Variants in FAHD2B observed in about 807,000 individuals in gnomAD.
The protein encoded by FAHD2B is oxaloacetate tautomerase FAHD2B, mitochondrial.
FAHD2B carries 26 observed loss-of-function variants against 33.7 expected under a neutral mutation model. That is an observed-to-expected ratio of 0.77 (90% CI 0.57 to 1.07). FAHD2B has a LOEUF of 1.07. FAHD2B is among the 50% of genes least tolerant of loss of function. The pLI is 0.00. For synonymous variants in FAHD2B, 108 were observed against 150.9 expected, an observed-to-expected ratio of 0.72 and a Z score of 2.08; for missense variants, 272 against 388.1, an observed-to-expected ratio of 0.70 and a Z score of 2.51.
downstream of FAHD2B, among the ~76,000 whole-genome samples, chr2:97,082,934 G>A (rs1185876534): frequency 2.6e-5 from 4 of 152,106 alleles, no homozygotes; most frequent in African/African-American, 9.7e-5. Context: ...GGTTGGAGAA[G>A]GTGGGATGGT....
downstream of FAHD2B, chr2:97,082,569 C>T: frequency 2.5e-6 from 4 of 1,581,808 alleles, no homozygotes; most frequent in South Asian, 3.4e-5. Flanking sequence ...AGGTGGGCTG[C>T]AGAGTACAGA....
chr2:97,084,692 T>C (rs1489295696), intron 6 of FAHD2B, among the ~76,000 whole-genome samples: 2 of 151,968 alleles, frequency 1.3e-5, no homozygotes, highest in Non-Finnish European at 2.9e-5. Context: ...TGAGAACTGA[T>C]TAAGCTCAGG....
chr2:97,084,298 C>T, intron 6 of FAHD2B, 21 bp from the exon 7 acceptor site: 1 of 1,611,914 alleles, frequency 6.2e-7, no homozygotes, highest in Non-Finnish European at 8.5e-7. Context: ...AAGATGGAAC[C>T]TTGGAGTTAT....
chr2:97,091,300 T>C (rs2153383662), intron 3 of FAHD2B, among the ~76,000 whole-genome samples, 162 bp downstream of exon 3: 1 of 141,010 alleles, frequency 7.1e-6, no homozygotes, highest in South Asian at 2.2e-4. Flanking sequence ...GATGTTATTA[T>C]GTAAGATTTC....
At chr2:97,084,304 G>T in intron 6 of FAHD2B, 27 bp from the exon 7 acceptor site, 1 of 1,611,598 alleles carries the variant, frequency 6.2e-7, no homozygotes, top group Non-Finnish European at 8.5e-7. Flanking sequence ...GAACCTTGGA[G>T]TTATCCCTTT....
Position 97,086,188 on chromosome 2 carries a change from C to T in FAHD2B, c.473G>A (p.Trp158Ter). The change falls in exon 5 of 9, where the codon TGG becomes TAG. Residue 158 changes from tryptophan to a stop codon, truncating the protein, a stop_gained. Coordinates refer to ENST00000414820, the MANE Select transcript of FAHD2B (RefSeq NM_001320848.2). LOFTEE classifies it high-confidence loss of function. The stretch of plus-strand genomic sequence containing the variant: ...AATGACCACGGCCAGCTCCACTTCC[C>T]AATCTACCTCCTGTAGGGTGGGAGA... ...VLPPQSQEVD[W>*]EVELAVVIGK... 1 of 1,611,954 alleles carries T rather than the reference C, an allele frequency of 6.2e-7. No homozygotes were observed. Among genetic ancestry groups the T allele is most frequent in the Non-Finnish European group, 8.5e-7 (1 of 1,179,232 alleles).
chr2:97,084,425 A>G, intron 6 of FAHD2B, 148 bp from the exon 7 acceptor site: 1 of 874,344 alleles, frequency 1.1e-6, no homozygotes. Context: ...CTATGTTAGA[A>G]CTTTCTGTAT....
chr2:97,093,127 C>T (rs2032452752), intron 1 of FAHD2B, among the ~76,000 whole-genome samples: 1 of 152,080 alleles, frequency 6.6e-6, no homozygotes, highest in Non-Finnish European at 1.5e-5. Context: ...TGGTTCCTTG[C>T]TCTTCCAACA....
rs750536625 is a variant in FAHD2B at position 97,091,575 on chromosome 2, C to T, written c.132G>A (p.Leu44=). The T allele has an allele frequency of 1.2e-6, 2 of 1,613,902 alleles. No homozygotes were observed. The highest frequency in any genetic ancestry group is 8.5e-7 in the Non-Finnish European group (1 of 1,180,024). Residue 44 remains leucine, a synonymous_variant, in exon 3 of 9, where the codon CTG becomes CTA. Transcript: ENST00000414820. ...APHLVGPHLG[L]ETGNGGGVIN... ...TAACCCCTCCACCATTCCCTGTCTC[C>T]AGGCCCAAGTGAGGCCCCACCAGGT... is the stretch of plus-strand genomic sequence containing the variant.
Position 97,091,675 on chromosome 2 carries a change from G to A in FAHD2B, c.32C>T (p.Thr11Ile), listed in dbSNP as rs1339658872. Residue 11 changes from threonine to isoleucine, a missense_variant, in exon 3 of 9, where the codon ACA becomes ATA. Coordinates refer to ENST00000414820, the MANE Select transcript of FAHD2B (RefSeq NM_001320848.2). ...CCACTTCTGAGCCTGCAGCAGAGCTGTGAGTAATCTTCTTCTACCAGACAC... is the reference window on the plus strand; with the variant it reads ...CCACTTCTGAGCCTGCAGCAGAGCTATGAGTAATCTTCTTCTACCAGACAC... MLVSGRRRLL[T>I]ALLQAQKWPF... is the part of the protein sequence containing the mutation. 1 of 1,613,482 alleles carries A rather than the reference G, an allele frequency of 6.2e-7. No individual in the cohort carries two copies.
chr2:97,087,513 CA>C (rs2032067753), intron 4 of FAHD2B, among the ~76,000 whole-genome samples: 1 of 152,004 alleles, frequency 6.6e-6, no homozygotes, highest in African/African-American at 2.4e-5. Context: ...GCCTGGCCAA[CA>C]TGGTGAAACC....
downstream of FAHD2B, among the ~76,000 whole-genome samples, chr2:97,079,978 A>T (rs1036634017): frequency 2.0e-5 from 3 of 152,102 alleles, no homozygotes; most frequent in African/African-American, 7.2e-5. Flanking sequence ...TTTCTTACAG[A>T]TGCTAGATAT....
intron 5 of FAHD2B, 46 bp from the exon 6 acceptor site, chr2:97,085,907 T>A: frequency 6.2e-7 from 1 of 1,611,262 alleles, no homozygotes; most frequent in African/African-American, 1.3e-5. Flanking sequence ...AGATCACGGG[T>A]GACACCAACA....
rs187912590 is a variant in FAHD2B at position 97,087,540 on chromosome 2, A to G, written c.463-1342T>C. On this transcript the variant is annotated intron_variant, in intron 4 of 8. Transcript: ENST00000414820. Reference sequence around the variant, plus strand: ...TGGTGAAACCCTGTCTCTACTAGAAATACAAAAAATTAGCCAGGTGTGGTG... The same window carrying G: ...TGGTGAAACCCTGTCTCTACTAGAAGTACAAAAAATTAGCCAGGTGTGGTG... 1.4e-3 allele frequency among the ~76,000 whole-genome samples: 212 copies of G among 152,056 alleles called. 2 individuals are homozygous for G. The highest frequency in any genetic ancestry group is 2.8e-3 in the Admixed American group (42 of 15,222).
In FAHD2B at chr2:97,086,424, A is replaced by G. The variant is rs546588355; in HGVS notation, c.463-226T>C. 7.0e-6 allele frequency: 4 copies of G among 571,626 alleles called. No homozygotes were observed. In the East Asian group the frequency reaches 9.1e-5, roughly 13 times the overall value. 35.4% of individuals were successfully genotyped at this position (571,626 alleles called of 1,614,324 possible). ...ATGGAATACAGGCACAGGTCCCCAC[A>G]CCACTGTGACTGCAGAAGAGCAACA... On this transcript the variant is annotated intron_variant, in intron 4 of 8. Coordinates refer to ENST00000414820, the MANE Select transcript of FAHD2B (RefSeq NM_001320848.2).
At chr2:97,088,426 T>C (rs2032130729) in intron 4 of FAHD2B, among the ~76,000 whole-genome samples, 1 of 152,068 alleles carries the variant, frequency 6.6e-6, no homozygotes, top group Admixed American at 6.6e-5. Context: ...CGAGATCTGA[T>C]AGTTTTAAAA....
At chr2:97,087,647 T>C (rs777475346) in intron 4 of FAHD2B, among the ~76,000 whole-genome samples, 3 of 151,970 alleles carry the variant, frequency 2.0e-5, no homozygotes, top group Non-Finnish European at 2.9e-5. Context: ...TGCAGTGAGC[T>C]AAGATGGTGC....
intron 4 of FAHD2B, among the ~76,000 whole-genome samples, chr2:97,088,328 T>C (rs1388349399): frequency 3.9e-5 from 6 of 152,110 alleles, no homozygotes; most frequent in Non-Finnish European, 7.4e-5. Context: ...ATAATTCTAA[T>C]GTGCTATGGG....
intron 6 of FAHD2B, 117 bp downstream of exon 6, chr2:97,085,582 C>G (rs1053035059): frequency 1.4e-6 from 2 of 1,472,522 alleles, no homozygotes; most frequent in Non-Finnish European, 1.8e-6. Context: ...ATGGAGTCAG[C>G]AGTCAAAGGG....
Sources: gnomAD v4.1 joint callset for allele counts (sites outside exome capture counted in the v4.1 genomes callset) on GRCh38, gnomAD v4.1.1 for gene constraint, MANE v1.5 for transcripts, NCBI Gene and HGNC (gene_info 2026-07-23, HGNC 2026-07-21) for gene names.